Variants in FAT1 observed in about 807,000 individuals in gnomAD.
FAT1 encodes the protein FAT atypical cadherin 1, also known as protocadherin Fat 1.
In FAT1, 171 loss-of-function variants were observed where a neutral mutation model predicts 329.8. The ratio of observed to expected loss-of-function variants is 0.52; its 90% CI spans 0.46 to 0.59. The LOEUF (loss-of-function observed/expected upper bound fraction) is 0.59, where lower values mean the gene tolerates loss of function less well. Among genes scored for constraint, FAT1 ranks in the 20% least tolerant of loss-of-function variants. The probability of loss-of-function intolerance (pLI) is 0.00; values close to 1 mark genes in which losing one functional copy is unlikely to be tolerated. For missense variants in FAT1, 5,672 were observed against 5,774.4 expected, an observed-to-expected ratio of 0.98 and a Z score of 0.57; for synonymous variants, 2,233 against 2,228.6, an observed-to-expected ratio of 1.00 and a Z score of -0.06.
intron 9 of FAT1, among the ~76,000 whole-genome samples, chr4:186,627,878 T>G (rs1380459880): frequency 6.6e-6 from 1 of 152,084 alleles, no homozygotes; most frequent in African/African-American, 2.4e-5. Context: ...ACTGAATTGG[T>G]CAAATAAAGT....
At chr4:186,676,294 A>G (rs1742957583) in intron 2 of FAT1, among the ~76,000 whole-genome samples, 1 of 151,850 alleles carries the variant, frequency 6.6e-6, no homozygotes, top group South Asian at 2.1e-4. Flanking sequence ...AAAAAACAAA[A>G]AAAAACAGGG....
At chr4:186,698,320 G>A (rs1744135206) in intron 2 of FAT1, among the ~76,000 whole-genome samples, 1 of 152,192 alleles carries the variant, frequency 6.6e-6, no homozygotes, top group Non-Finnish European at 1.5e-5. Context: ...TGGCTTGAAG[G>A]AAAGGTTTCC....
intron 3 of FAT1, among the ~76,000 whole-genome samples, chr4:186,658,950 A>T (rs1458681337): frequency 6.6e-6 from 1 of 152,176 alleles, no homozygotes; most frequent in East Asian, 1.9e-4. Context: ...TTGGTAAAAA[A>T]ATTTCATAGT....
intron 1 of FAT1, among the ~76,000 whole-genome samples, chr4:186,720,252 T>C (rs1369064854): frequency 6.6e-6 from 1 of 152,234 alleles, no homozygotes; most frequent in Non-Finnish European, 1.5e-5. Context: ...TACAGCTTAT[T>C]TGTTTTCACC....
At chr4:186,674,318 C>A (rs1742853463) in intron 2 of FAT1, among the ~76,000 whole-genome samples, 1 of 152,232 alleles carries the variant, frequency 6.6e-6, no homozygotes, top group African/African-American at 2.4e-5. Flanking sequence ...AGCTTTACAT[C>A]TAACAACTTA....
At chr4:186,609,048 A>AC in intron 16 of FAT1, 135 bp downstream of exon 16, 1 of 815,118 alleles carries the variant, frequency 1.2e-6, no homozygotes, top group Non-Finnish European at 1.9e-6. Context: ...TTGCTTTTCG[A>AC]GTGTTTACAT....
At chr4:186,705,089 T>A (rs1744510063) in intron 2 of FAT1, among the ~76,000 whole-genome samples, 2 of 149,712 alleles carry the variant, frequency 1.3e-5, no homozygotes. Flanking sequence ...GGACTACAGG[T>A]GTACCACCAC....
At position 186,589,000 on chromosome 4, in the gene FAT1, G is replaced by A. The variant is rs147776400; in HGVS notation, c.13359C>T (p.Pro4453=). 600 of 1,613,966 alleles carry A rather than the reference G, an allele frequency of 3.7e-4. No individual in the cohort carries two copies. In the African/African-American group the frequency reaches 7.5e-3, roughly 20 times the overall value. ...PAADELPPLP[P]EFSNQFESIH... is the part of the protein sequence containing the mutation. ...TGGATTCAAACTGATTGCTGAATTC[G>A]GGCGGTAACGGTGGTAGCTCATCAG... is the stretch of plus-strand genomic sequence containing the variant. Residue 4453 remains proline (P), a synonymous_variant, in exon 27 of 27, where the codon CCC becomes CCT. Transcript: ENST00000441802.
chr4:186,632,197 C>T (rs1309171799), intron 7 of FAT1, among the ~76,000 whole-genome samples: 2 of 152,134 alleles, frequency 1.3e-5, no homozygotes, highest in African/African-American at 4.8e-5. Context: ...ATATTTCATG[C>T]TAAACTTTTA....
At position 186,709,814 on chromosome 4, in the gene FAT1, A is replaced by G; in HGVS notation, c.14T>C (p.Leu5Ser). MGRH[L>S]ALLLLLLLLF... ...AAGGAGCAGAAGCAGGAGCAAAGCC[A>G]AATGTCTCCCCATTGCTTAACTGTC... Residue 5 changes from leucine to serine, a missense_variant, in exon 2 of 27, where the codon TTG (leucine) becomes TCG (serine). Around this residue, in one of 2 missense-constraint regions of FAT1, gnomAD observed 3,966 missense variants for 3,915.2 expected, o/e 1.01. Transcript: ENST00000441802. 6.2e-7 allele frequency: 1 copy of G among 1,603,422 alleles called. No individual in the cohort carries two copies. The highest frequency in any genetic ancestry group is 8.5e-7 in the Non-Finnish European group (1 of 1,173,678).
At chr4:186,651,725 G>A (rs183090205) in intron 3 of FAT1, among the ~76,000 whole-genome samples, 124 of 152,258 alleles carry the variant, frequency 8.1e-4, no homozygotes, top group African/African-American at 2.7e-3. Context: ...TGCTGGCCAC[G>A]AGCAAACACG....
chr4:186,593,297 G>A (rs1437842762), intron 26 of FAT1, among the ~76,000 whole-genome samples: 2 of 152,206 alleles, frequency 1.3e-5, no homozygotes, highest in African/African-American at 4.8e-5. Context: ...GCTAATGTAC[G>A]AGTATAGGAG....
intron 3 of FAT1, among the ~76,000 whole-genome samples, chr4:186,652,104 CCTAGT>C (rs1385828644): frequency 6.6e-6 from 1 of 152,144 alleles, no homozygotes; most frequent in African/African-American, 2.4e-5. Context: ...GACCCCATAC[CCTAGT>C]CTTCAGACGT....
rs1313638041 is a variant in FAT1, at chr4:186,707,589, C to T, written c.2239G>A (p.Gly747Ser). Residue 747 changes from glycine (G) to serine (S), a missense_variant, in exon 2 of 27, where the codon GGC becomes AGC. Physicochemically the swap from Gly to Ser is moderately conservative, Grantham distance 56 (BLOSUM62 0). This residue lies in a region of FAT1 where 3,966 missense variants were observed against 3,915.2 expected (regional missense o/e 1.01). Transcript: ENST00000441802. ...IFMNSTDLDT[G>S]FNGKLVYAVS... The stretch of plus-strand genomic sequence containing the variant: ...GCATAGACCAGTTTTCCATTGAAGC[C>T]AGTGTCAAGGTCAGTGGAGTTCATG... The T allele has an allele frequency of 2.5e-6, 4 of 1,613,848 alleles. No individual in the cohort carries two copies. In the South Asian group the frequency reaches 4.4e-5, roughly 18 times the overall value.
At chr4:186,593,587 G>C (rs1560914914) in intron 26 of FAT1, among the ~76,000 whole-genome samples, 2 of 152,186 alleles carry the variant, frequency 1.3e-5, no homozygotes, top group Non-Finnish European at 2.9e-5. Flanking sequence ...TCTGCACAGA[G>C]GCGTTCCCAG....
upstream of FAT1, chr4:186,726,469 G>A (rs1158751924): frequency 7.0e-6 from 1 of 143,796 alleles, no homozygotes; most frequent in Non-Finnish European, 1.5e-5. Flanking sequence ...GCCTCCCCGG[G>A]ATCTTCAGCA....
chr4:186,703,735 G>A (rs964732376), intron 2 of FAT1, among the ~76,000 whole-genome samples: 18 of 152,336 alleles, frequency 1.2e-4, no homozygotes, highest in South Asian at 6.2e-4. Context: ...CCGGGTGCAC[G>A]CCAAGGCACA....
intron 6 of FAT1, 106 bp from the exon 7 acceptor site, chr4:186,633,929 A>G: frequency 8.3e-7 from 1 of 1,201,996 alleles, no homozygotes; most frequent in Non-Finnish European, 1.2e-6. Flanking sequence ...CTAATATACT[A>G]GCAAAGAGCT....
intron 3 of FAT1, among the ~76,000 whole-genome samples, chr4:186,663,045 C>T (rs920920063): frequency 6.6e-6 from 1 of 152,118 alleles, no homozygotes; most frequent in Non-Finnish European, 1.5e-5. Flanking sequence ...ACCATGTTAG[C>T]CAGGATGGTC....
Sources: allele counts gnomAD v4.1 joint callset (sites outside exome capture counted in the v4.1 genomes callset), GRCh38; gene constraint gnomAD v4.1.1; regional missense constraint gnomAD v4.1.1; transcripts MANE v1.5; gene names NCBI Gene and HGNC (gene_info 2026-07-23, HGNC 2026-07-21).